COL6A2: variants seen among roughly 807,000 people sequenced by gnomAD.
The protein encoded by COL6A2 is collagen type VI alpha 2 chain.
COL6A2 carries 90 observed loss-of-function variants against 124.9 expected under a neutral mutation model. The ratio of observed to expected loss-of-function variants is 0.72; its 90% CI spans 0.61 to 0.86. COL6A2 has a LOEUF of 0.86. Among genes scored for constraint, COL6A2 ranks in the 40% least tolerant of loss-of-function variants. COL6A2 has a pLI of 0.00. For missense variants in COL6A2, 1,607 were observed against 1,502.5 expected, an observed-to-expected ratio of 1.07 and a Z score of -1.15; for synonymous variants, 793 against 618.2, an observed-to-expected ratio of 1.28 and a Z score of -4.19.
intron 17 of COL6A2, 131 bp downstream of exon 17, chr21:46,121,254 C>A: frequency 1.1e-6 from 1 of 912,926 alleles, no homozygotes; most frequent in Non-Finnish European, 1.8e-6. Flanking sequence ...CCTCAGAAGC[C>A]AGGACCTGCT....
At chr21:46,128,993 C>A (rs1338875669) in intron 27 of COL6A2, 7 of 1,605,426 alleles carry the variant, frequency 4.4e-6, no homozygotes, top group African/African-American at 1.4e-5. Flanking sequence ...TAGCTCCCTG[C>A]CAGCTTCCTG....
chr21:46,123,733 TTAGATGATGGATGGCTGAA>T (rs2078606112), intron 21 of COL6A2, among the ~76,000 whole-genome samples: 1 of 135,126 alleles, frequency 7.4e-6, no homozygotes, highest in African/African-American at 2.8e-5. Flanking sequence ...GAGTGTGTGG[TTAGATGATGGATGGCTGAA>T]TGGATGAGTG....
At chr21:46,113,123 G>A (rs992703605) in intron 4 of COL6A2, among the ~76,000 whole-genome samples, 5 of 152,164 alleles carry the variant, frequency 3.3e-5, no homozygotes, top group East Asian at 1.9e-4. Context: ...CTCGAGGCCC[G>A]AGCCCAGCCC....
chr21:46,111,272 C>A, intron 1 of COL6A2, 178 bp from the exon 2 acceptor site: 1 of 562,892 alleles, frequency 1.8e-6, no homozygotes. Flanking sequence ...GGCAAGAGGG[C>A]GCAAGCCCCC....
At chr21:46,122,199 G>A in intron 19 of COL6A2, 41 bp downstream of exon 19, 2 of 1,606,594 alleles carry the variant, frequency 1.2e-6, no homozygotes, top group Non-Finnish European at 1.7e-6. Context: ...GGAGTGGGTG[G>A]ACATTGTCCC....
Position 46,112,188 on chromosome 21 carries a change from A to G in COL6A2, c.325A>G (p.Ser109Gly). 2 of 1,612,928 alleles carry G rather than the reference A, an allele frequency of 1.2e-6. No individual in the cohort carries two copies. The highest frequency in any genetic ancestry group is 2.2e-5 in the South Asian group (2 of 91,084). The change falls in exon 3 of 28, where the codon AGC (serine) becomes GGC (glycine). Residue 109 changes from serine to glycine, a missense_variant. Around this residue, in one of 3 missense-constraint regions of COL6A2, gnomAD observed 342 missense variants for 381.5 expected, o/e 0.90. Transcript: ENST00000300527. ...CTTCTCTGACCAGGTGGAGGTGTTC[A>G]GCCCACCGGGCAGCGACCGGGCCTC... ...LHFSDQVEVF[S>G]PPGSDRASFI...
intron 24 of COL6A2, 32 bp downstream of exon 24, chr21:46,125,343 C>T (rs1400698973): frequency 2.5e-6 from 4 of 1,606,464 alleles, no homozygotes; most frequent in South Asian, 1.1e-5. Flanking sequence ...GGTCGGGGCC[C>T]ATGCACCGGG....
At position 46,124,100 on chromosome 21, in the gene COL6A2, TGGAC is replaced by T. The variant is rs555747375; in HGVS notation, c.1672-546_1672-543del. Among the ~76,000 whole-genome samples, 48 of 150,130 alleles carry T rather than the reference TGGAC, an allele frequency of 3.2e-4. No individual in the cohort carries two copies. In the East Asian group the frequency reaches 7.0e-3, roughly 22 times the overall value. On this transcript the variant is annotated intron_variant, in intron 21 of 27. Transcript: ENST00000300527. ...GATGAATGGGTGGGTGGGTAGAGGATGGACGGACAGGTGAGTGGGTGGGTGGATG... is the reference window on the plus strand; with the variant it reads ...GATGAATGGGTGGGTGGGTAGAGGATGGACAGGTGAGTGGGTGGGTGGATG...
At position 46,132,824 on chromosome 21, in the gene COL6A2, T is replaced by C. The variant is rs1450162897; in HGVS notation, c.*272T>C. The C allele has an allele frequency of 3.6e-6, 2 of 556,898 alleles. No homozygotes were observed. The highest frequency in any genetic ancestry group is 6.5e-6 in the Non-Finnish European group (2 of 308,696). The allele number at this position is 556,898 out of a possible 1,614,324, so 34.5% of individuals were successfully genotyped here. On this transcript the variant is annotated 3_prime_UTR_variant, in exon 28 of 28. Transcript: ENST00000300527. Reference sequence around the variant, plus strand: ...GGCCCCTGAGCTCTGGAGCAAGCCCTGACCCAATAAAGGCTTTGAACCCAT... The same window carrying C: ...GGCCCCTGAGCTCTGGAGCAAGCCCCGACCCAATAAAGGCTTTGAACCCAT...
At chr21:46,113,954 C>T (rs1215065592) in intron 4 of COL6A2, 54 bp from the exon 5 acceptor site, 2 of 1,458,650 alleles carry the variant, frequency 1.4e-6, no homozygotes, top group East Asian at 2.3e-5. Context: ...CCTGCCCTGC[C>T]ACCTGAGGAA....
intron 18 of COL6A2, 72 bp from the exon 19 acceptor site, chr21:46,122,036 C>A (rs770090000): frequency 3.3e-5 from 50 of 1,518,484 alleles, no homozygotes; most frequent in Non-Finnish European, 4.4e-5. Context: ...GCACCTTGCG[C>A]CCTGTTGAGC....
Position 46,119,785 on chromosome 21 carries a change from C to T in COL6A2, c.1270-3C>T, listed in dbSNP as rs1488223613. The stretch of plus-strand genomic sequence containing the variant: ...CCCTCACCCACACGCCTGTTCTCTG[C>T]AGGGGCGCAGGGGAGACCCCGGCAC... On this transcript the variant is annotated splice_polypyrimidine_tract_variant and splice_region_variant and intron_variant, in intron 14 of 27. Transcript: ENST00000300527. The T allele has an allele frequency of 7.1e-5, 110 of 1,559,388 alleles. No homozygotes were observed. The highest frequency in any genetic ancestry group is 9.4e-5 in the Non-Finnish European group (108 of 1,151,300).
At chr21:46,130,998 G>A (rs2839120) in intron 27 of COL6A2, among the ~76,000 whole-genome samples, 37,979 of 152,046 alleles carry the variant, frequency 0.25, 5,956 homozygotes, top group African/African-American at 0.45. Context: ...GGGCTGGACC[G>A]TTGCACCTCC....
chr21:46,127,312 A>T (rs1048293572), intron 27 of COL6A2, among the ~76,000 whole-genome samples: 3 of 152,118 alleles, frequency 2.0e-5, no homozygotes, highest in Admixed American at 6.5e-5. Flanking sequence ...GCGCTTCCTC[A>T]GCACGCGGGT....
chr21:46,124,075 GATGA>G (rs1204977768), intron 21 of COL6A2, among the ~76,000 whole-genome samples: 3 of 151,218 alleles, frequency 2.0e-5, no homozygotes, highest in Non-Finnish European at 3.0e-5. Flanking sequence ...TGGACCGATG[GATGA>G]ATGGGTGGGT....
intron 19 of COL6A2, 61 bp downstream of exon 19, chr21:46,122,219 G>A: frequency 6.3e-7 from 1 of 1,577,802 alleles, no homozygotes. Context: ...CAAGGGCCCT[G>A]AAGATTCCTA....
intron 27 of COL6A2, among the ~76,000 whole-genome samples, chr21:46,128,129 G>C (rs1244011043): frequency 6.6e-6 from 1 of 152,348 alleles, no homozygotes; most frequent in East Asian, 1.9e-4. Flanking sequence ...GTGACATGGA[G>C]TGAGCCCATT....
In COL6A2 at chr21:46,116,386, G is replaced by A. The variant is rs1402782514; in HGVS notation, c.910G>A (p.Gly304Ser). The A allele has an allele frequency of 6.2e-7, 1 of 1,613,092 alleles. No individual in the cohort carries two copies. The highest frequency in any genetic ancestry group is 8.5e-7 in the Non-Finnish European group (1 of 1,180,006). Residue 304 changes from glycine to serine, a missense_variant, in exon 8 of 28, where the codon GGC (glycine) becomes AGC (serine). This residue lies in a region of COL6A2 where 42 missense variants were observed against 68.7 expected (regional missense o/e 0.61). Coordinates refer to ENST00000300527, the MANE Select transcript of COL6A2 (RefSeq NM_001849.4). This position sits in a 1 kb window ranked among gnomAD's most constrained non-coding sequence, Gnocchi z 4.6. ...CTCCTCCTGCCCCCAGGGCGTTCCT[G>A]GCTTCAAAGGAGAGAAGGTGAGGCT... ...IGFPGPKGVPGFKGEKGEFGA... is the reference protein window; with the variant it reads ...IGFPGPKGVPSFKGEKGEFGA...
rs570065528 is a variant in COL6A2, at chr21:46,105,017, A to G, written c.-27-6433A>G. Among the ~76,000 whole-genome samples the G allele has an allele frequency of 3.7e-4, 57 of 152,318 alleles. 1 individual carries two copies. The highest frequency in any genetic ancestry group is 8.7e-4 in the African/African-American group (36 of 41,564). On this transcript the variant is annotated intron_variant, in intron 1 of 27. Coordinates refer to ENST00000300527, the MANE Select transcript of COL6A2 (RefSeq NM_001849.4). ...TGTTCCTTACCACTAGACCTGCCCT[A>G]TAGGAAACGCCAAAGGGAGTCCTGC...
Sources: allele counts gnomAD v4.1 joint callset (sites outside exome capture counted in the v4.1 genomes callset), GRCh38; gene constraint gnomAD v4.1.1; regional missense constraint gnomAD v4.1.1; non-coding constraint Gnocchi (gnomAD v3.1); transcripts MANE v1.5; gene names NCBI Gene and HGNC (gene_info 2026-07-23, HGNC 2026-07-21).